The following ALKBH8 variants were observed in gnomAD, a reference collection of about 807,000 sequenced individuals.
ALKBH8 encodes the protein tRNA (carboxymethyluridine(34)-5-O)-methyltransferase ALKBH8.
In ALKBH8, 36 loss-of-function variants were observed where a neutral mutation model predicts 59.8. The ratio of observed to expected loss-of-function variants is 0.60; its 90% confidence interval spans 0.46 to 0.79. The LOEUF is 0.79. Ranked by LOEUF, ALKBH8 falls within the 30% of genes least tolerant of loss-of-function variation. The pLI, the probability that ALKBH8 is intolerant of heterozygous loss-of-function variation, is 0.00. For missense variants in ALKBH8, 768 were observed against 801.0 expected (o/e 0.96, Z 0.50); for synonymous variants, 276 against 273.6 (o/e 1.01, Z -0.09).
intron 7 of ALKBH8, among the ~76,000 whole-genome samples, chr11:107,535,408 C>T (rs1477884590): frequency 1.3e-5 from 2 of 152,264 alleles, no homozygotes; most frequent in African/African-American, 4.8e-5. Flanking sequence ...CACATCCCTG[C>T]TAACATCTTT....
Position 107,565,702 on chromosome 11 carries a change from A to C in ALKBH8, c.-108T>G. 4 of 1,532,246 alleles carry C rather than the reference A, an allele frequency of 2.6e-6. No individual in the cohort carries two copies. The South Asian group carries it at 4.8e-5, about 18-fold the overall frequency. 94.9% of individuals were successfully genotyped at this position (1,532,246 alleles called of 1,614,324 possible). A position where few individuals can be genotyped will look rare whatever the true frequency, so the allele number is the denominator to read the frequency against. On this transcript the variant is annotated 5_prime_UTR_variant, in exon 1 of 12. The change abolishes an upstream ATG in the 5' untranslated region. Transcript: ENST00000428149. ...ACACCGCAGCGGATACTTGCACGCC[A>C]TCTCCCCTGGGCGCGGCCATGTTGG...
At chr11:107,565,485 C>T in intron 1 of ALKBH8, 116 bp downstream of exon 1, 1 of 1,466,566 alleles carries the variant, frequency 6.8e-7, no homozygotes, top group Middle Eastern at 1.7e-4. Flanking sequence ...GATCCATCCC[C>T]TTTCCCTAGG....
chr11:107,511,634 T>C (rs767925648), intron 10 of ALKBH8, among the ~76,000 whole-genome samples: 4 of 152,166 alleles, frequency 2.6e-5, no homozygotes, highest in Admixed American at 1.3e-4. Context: ...TGGAGTGCAA[T>C]GGCGTGATCT....
chr11:107,534,579 A>G lies in ALKBH8; in HGVS notation c.772-2173T>C, dbSNP rs113409091. On this transcript the variant is annotated intron_variant, in intron 7 of 11. Transcript: ENST00000428149. ...ATCAACGGACAGTAGTGATTTTCAA[A>G]TAGGAAAATTTCAGCTTAAACAAGT... Among the ~76,000 whole-genome samples, 640 of 152,334 alleles carry G rather than the reference A, an allele frequency of 4.2e-3. 4 individuals carry two copies. The highest frequency in any genetic ancestry group is 0.014 in the African/African-American group (602 of 41,578).
chr11:107,514,681 C>T (rs1862784942), intron 10 of ALKBH8, among the ~76,000 whole-genome samples: 1 of 152,140 alleles, frequency 6.6e-6, no homozygotes, highest in Non-Finnish European at 1.5e-5. Flanking sequence ...CTCAAATAAT[C>T]TGAACATTAT....
intron 10 of ALKBH8, among the ~76,000 whole-genome samples, chr11:107,513,961 G>A (rs968010548): frequency 6.6e-6 from 1 of 152,078 alleles, no homozygotes; most frequent in Non-Finnish European, 1.5e-5. Flanking sequence ...CTACCTGGGT[G>A]ATGAAATAAT....
At chr11:107,560,707 T>A in intron 2 of ALKBH8, 58 bp downstream of exon 2, 1 of 1,472,436 alleles carries the variant, frequency 6.8e-7, no homozygotes, top group Non-Finnish European at 9.2e-7. Flanking sequence ...AATATTAATA[T>A]AATACATTAA....
chr11:107,519,087 C>A (rs973049310), intron 10 of ALKBH8, among the ~76,000 whole-genome samples: 3 of 152,030 alleles, frequency 2.0e-5, no homozygotes, highest in Admixed American at 2.0e-4. Context: ...CCACTGTACC[C>A]TGCTGGTTAT....
intron 2 of ALKBH8, among the ~76,000 whole-genome samples, chr11:107,557,424 A>T (rs946563194): frequency 2.6e-5 from 4 of 152,200 alleles, no homozygotes; most frequent in African/African-American, 9.6e-5. Flanking sequence ...TCTTCACAAC[A>T]TATTGAATTT....
At chr11:107,515,334 T>A (rs959618607) in intron 10 of ALKBH8, among the ~76,000 whole-genome samples, 1 of 152,174 alleles carries the variant, frequency 6.6e-6, no homozygotes, top group African/African-American at 2.4e-5. Flanking sequence ...TCAATGACAT[T>A]AAAACATATA....
In ALKBH8 at chr11:107,529,966, T is replaced by C. The variant is rs141904507; in HGVS notation, c.878+2334A>G. On this transcript the variant is annotated intron_variant, in intron 8 of 11. Transcript: ENST00000428149. ...TAGGAACTGTAGGGAACTAGAGAAG[T>C]AGGCCCCCACCTAAAGAATGCTAGT... Among the ~76,000 whole-genome samples the C allele has an allele frequency of 4.6e-5, 7 of 152,260 alleles. 1 individual carries two copies. The highest frequency in any genetic ancestry group is 1.7e-4 in the African/African-American group (7 of 41,558).
intron 7 of ALKBH8, among the ~76,000 whole-genome samples, chr11:107,537,000 T>C (rs1258888958): frequency 6.6e-6 from 1 of 152,214 alleles, no homozygotes; most frequent in Non-Finnish European, 1.5e-5. Flanking sequence ...TTTTCCCCCA[T>C]GAGGCCACCA....
rs2135457399 is a variant in ALKBH8, at chr11:107,504,051, A to T, written c.*607T>A. On this transcript the variant is annotated 3_prime_UTR_variant, in exon 12 of 12. Transcript: ENST00000428149. ...GCTCTTTCTTATTCACTGCTTCATT[A>T]TCAGTACTTAAAATAGTAACTGGTA... 6.5e-6 allele frequency: 1 copy of T among 154,472 alleles called. No individual in the cohort carries two copies. Among genetic ancestry groups the T allele is most frequent in the Non-Finnish European group, 1.4e-5 (1 of 69,734 alleles). 9.6% of individuals were successfully genotyped at this position (154,472 alleles called of 1,614,324 possible).
intron 10 of ALKBH8, among the ~76,000 whole-genome samples, chr11:107,512,560 G>A (rs147302311): frequency 6.6e-5 from 10 of 152,166 alleles, no homozygotes; most frequent in Non-Finnish European, 1.3e-4. Context: ...TCATCTGCCC[G>A]TCTTGGCCTC....
At chr11:107,527,936 G>C (rs1245835105) in intron 8 of ALKBH8, among the ~76,000 whole-genome samples, 2 of 152,046 alleles carry the variant, frequency 1.3e-5, no homozygotes, top group African/African-American at 4.8e-5. Flanking sequence ...TTAAGTATAT[G>C]ATGTCAGCTG....
At chr11:107,546,321 C>T (rs1864251853) in intron 7 of ALKBH8, among the ~76,000 whole-genome samples, 1 of 152,132 alleles carries the variant, frequency 6.6e-6, no homozygotes, top group Non-Finnish European at 1.5e-5. Context: ...AGTTTATTAT[C>T]ATAAAAGGTT....
chr11:107,551,264 T>C (rs866336061), intron 6 of ALKBH8, among the ~76,000 whole-genome samples: 44 of 152,224 alleles, frequency 2.9e-4, no homozygotes, highest in African/African-American at 1.0e-3. Flanking sequence ...TCACAAACAG[T>C]GATTTGTATC....
Position 107,510,886 on chromosome 11 carries a change from C to T in ALKBH8, c.1437+1G>A. The T allele has an allele frequency of 2.6e-6, 4 of 1,551,178 alleles. No individual in the cohort carries two copies. Among genetic ancestry groups the T allele is most frequent in the Non-Finnish European group, 2.6e-6 (3 of 1,146,750 alleles). ...TTAAGAGAAAGAAAGACCATACTTACTGCTGTTGCAAAATGATGAATAACA... is the reference window on the plus strand; with the variant it reads ...TTAAGAGAAAGAAAGACCATACTTATTGCTGTTGCAAAATGATGAATAACA... On this transcript the variant is annotated splice_donor_variant, in intron 11 of 11. Transcript: ENST00000428149. LOFTEE classifies it high-confidence loss of function.
intron 7 of ALKBH8, among the ~76,000 whole-genome samples, chr11:107,545,831 T>A (rs1001489414): frequency 6.6e-6 from 1 of 152,164 alleles, no homozygotes. Context: ...CTTCCCGAAA[T>A]TGATAAAAGG....
Sources: gnomAD v4.1 joint callset for allele counts (sites outside exome capture counted in the v4.1 genomes callset) on GRCh38, gnomAD v4.1.1 for gene constraint, MANE v1.5 for transcripts, NCBI Gene and HGNC (gene_info 2026-07-23, HGNC 2026-07-21) for gene names.